The following SPATA9 variants were observed in gnomAD, a reference collection of about 807,000 sequenced individuals.
SPATA9 encodes the protein spermatogenesis associated 9, also known as spermatogenesis-associated protein 9.
In SPATA9, 27 loss-of-function variants were observed where a neutral mutation model predicts 25.5. That is an observed-to-expected ratio of 1.06 (90% CI 0.78 to 1.46). SPATA9 has a LOEUF of 1.46. Among genes scored for constraint, SPATA9 ranks in the 40% most tolerant of loss-of-function variants. The probability of loss-of-function intolerance (pLI) is 0.00; values close to 1 mark genes in which losing one functional copy is unlikely to be tolerated. For synonymous variants in SPATA9, 102 were observed against 105.7 expected, an observed-to-expected ratio of 0.97 and a Z score of 0.21; for missense variants, 282 against 297.5, an observed-to-expected ratio of 0.95 and a Z score of 0.38.
chr5:95,681,222 A>G (rs1263742740), intron 2 of SPATA9, among the ~76,000 whole-genome samples: 2 of 152,316 alleles, frequency 1.3e-5, no homozygotes, highest in Non-Finnish European at 1.5e-5. Flanking sequence ...CATGGCATAC[A>G]AAGACCTCCA....
downstream of SPATA9, among the ~76,000 whole-genome samples, chr5:95,653,869 G>T (rs1328789784): frequency 6.6e-6 from 1 of 152,182 alleles, no homozygotes; most frequent in Non-Finnish European, 1.5e-5. Context: ...CTGCACTCCA[G>T]CCTGGGTGAC....
chr5:95,673,936 C>T (rs916778971), intron 3 of SPATA9, among the ~76,000 whole-genome samples: 4 of 152,014 alleles, frequency 2.6e-5, no homozygotes, highest in South Asian at 4.2e-4. Context: ...GACAGGGTTT[C>T]GCCATGTTGG....
chr5:95,656,312 A>G, downstream of SPATA9: 1 of 1,594,854 alleles, frequency 6.3e-7, no homozygotes, highest in Non-Finnish European at 8.6e-7. Context: ...CTTCCTGATA[A>G]AAAATATATA....
chr5:95,675,765 C>T (rs1000496243), intron 2 of SPATA9, 126 bp from the exon 3 acceptor site: 11 of 672,880 alleles, frequency 1.6e-5, no homozygotes, highest in Non-Finnish European at 2.4e-5. Flanking sequence ...ATTCAACATC[C>T]AATATTTCTG....
the SPATA9 span, among the ~76,000 whole-genome samples, chr5:95,703,781 G>T: frequency 6.6e-6 from 1 of 152,154 alleles, no homozygotes; most frequent in African/African-American, 2.4e-5. Flanking sequence ...TAGTAAACAT[G>T]TATTTCTTTT....
intron 1 of SPATA9, 35 bp from the exon 2 acceptor site, chr5:95,682,651 T>G: frequency 6.4e-7 from 1 of 1,567,794 alleles, no homozygotes; most frequent in East Asian, 2.2e-5. Context: ...AAGAAAACTT[T>G]GAAAACATCC....
At chr5:95,731,518 G>A in the SPATA9 span, 71 of 1,261,130 alleles carry the variant, frequency 5.6e-5, no homozygotes, top group Admixed American at 8.7e-5. Context: ...GCTGGCTGGC[G>A]CGGCCCCGGC....
At position 95,658,803 on chromosome 5, in the gene SPATA9, C is replaced by T. The variant is rs10045409; in HGVS notation, c.585G>A (p.Glu195=). The T allele has an allele frequency of 2.3e-3, 3,673 of 1,613,970 alleles. 10 individuals carry two copies. The highest frequency in any genetic ancestry group is 2.9e-3 in the Non-Finnish European group (3,440 of 1,179,924). Residue 195 remains glutamate, a synonymous_variant, in exon 5 of 5, where the codon GAG becomes GAA. Coordinates refer to ENST00000274432, the MANE Select transcript of SPATA9 (RefSeq NM_031952.4). ...ESENCRKAFS[E]PVLSEPMFAE... ...CAAACATAGGCTCCGAAAGCACAGG[C>T]TCAGAAAAGGCTTTTCTACAATTTT... is the stretch of plus-strand genomic sequence containing the variant.
intron 4 of SPATA9, among the ~76,000 whole-genome samples, chr5:95,660,380 G>A (rs1352244473): frequency 6.6e-6 from 1 of 152,108 alleles, no homozygotes; most frequent in Non-Finnish European, 1.5e-5. Flanking sequence ...TAAGAATTTG[G>A]GGGAAGCACG....
intron 3 of SPATA9, among the ~76,000 whole-genome samples, chr5:95,667,829 G>C (rs931759708): frequency 3.3e-5 from 5 of 152,106 alleles, no homozygotes; most frequent in African/African-American, 1.2e-4. Flanking sequence ...TTGGATCATG[G>C]GGGCAGTTTC....
the SPATA9 span, among the ~76,000 whole-genome samples, chr5:95,724,268 C>A: frequency 6.6e-6 from 1 of 152,068 alleles, no homozygotes; most frequent in Non-Finnish European, 1.5e-5. Flanking sequence ...TTTTTCAGTC[C>A]CATTATGCAA....
At chr5:95,728,353 C>T in the SPATA9 span, among the ~76,000 whole-genome samples, 1 of 152,152 alleles carries the variant, frequency 6.6e-6, no homozygotes, top group Non-Finnish European at 1.5e-5. Flanking sequence ...TTCTTTATAC[C>T]TTTGCATGTG....
At chr5:95,670,462 AC>A (rs1212587696) in intron 3 of SPATA9, 2 of 152,206 alleles carry the variant, frequency 1.3e-5, no homozygotes, top group African/African-American at 4.8e-5. Flanking sequence ...CAAAACAGTG[AC>A]CAGACAGAAC....
chr5:95,652,919 A>G (rs1246414404), downstream of SPATA9: 7 of 672,390 alleles, frequency 1.0e-5, 1 homozygote, highest in Admixed American at 1.1e-4. Context: ...GCATTCTTTC[A>G]AAAAGAAATC....
chr5:95,693,803 G>A (rs1158534531), intron 1 of SPATA9, among the ~76,000 whole-genome samples: 2 of 152,024 alleles, frequency 1.3e-5, no homozygotes, highest in African/African-American at 4.8e-5. Context: ...TCACTGTCTA[G>A]CTGAGTATCT....
upstream of SPATA9, among the ~76,000 whole-genome samples, chr5:95,685,799 A>G (rs1286504144): frequency 1.3e-5 from 2 of 152,168 alleles, no homozygotes; most frequent in Non-Finnish European, 2.9e-5. Flanking sequence ...TGGTATTACC[A>G]ATATCAATTG....
upstream of SPATA9, among the ~76,000 whole-genome samples, chr5:95,684,200 T>C (rs1753664715): frequency 6.6e-6 from 1 of 152,134 alleles, no homozygotes; most frequent in South Asian, 2.1e-4. Context: ...AATCCATCGG[T>C]ACAAAGAAAA....
the SPATA9 span, among the ~76,000 whole-genome samples, chr5:95,711,202 G>T: frequency 6.6e-6 from 1 of 152,140 alleles, no homozygotes; most frequent in Non-Finnish European, 1.5e-5. Flanking sequence ...TCCCAGTTAG[G>T]CCGGGTAGAG....
chr5:95,663,023 G>A (rs1415454173), intron 4 of SPATA9, among the ~76,000 whole-genome samples: 1 of 152,168 alleles, frequency 6.6e-6, no homozygotes, highest in African/African-American at 2.4e-5. Context: ...CTAGGTATCA[G>A]CACATGCATA....
Sources: gnomAD v4.1 joint callset for allele counts (sites outside exome capture counted in the v4.1 genomes callset) on GRCh38, gnomAD v4.1.1 for gene constraint, MANE v1.5 for transcripts, NCBI Gene and HGNC (gene_info 2026-07-23, HGNC 2026-07-21) for gene names.